The following NELL1 variants were observed in gnomAD, a reference collection of about 807,000 sequenced individuals.
The protein encoded by NELL1 is protein kinase C-binding protein NELL1.
NELL1 carries 76 observed loss-of-function variants against 107.4 expected under a neutral mutation model. That is an observed-to-expected ratio of 0.71 (90% confidence interval 0.59 to 0.86). The LOEUF (loss-of-function observed/expected upper bound fraction) is 0.86, where lower values mean the gene tolerates loss of function less well. Ranked by LOEUF, NELL1 falls within the 40% of genes least tolerant of loss-of-function variation. NELL1 has a pLI of 0.00. For synonymous variants in NELL1, 353 were observed against 341.2 expected (o/e 1.03, Z -0.38); for missense variants, 1,024 against 1,005.5 (o/e 1.02, Z -0.25).
intron 15 of NELL1, among the ~76,000 whole-genome samples, chr11:21,421,795 C>G (rs764460744): frequency 8.5e-5 from 13 of 152,094 alleles, no homozygotes; most frequent in Non-Finnish European, 1.2e-4. Context: ...ATCCACAAAG[C>G]TTAATGACCT....
At chr11:20,977,266 T>A (rs1024993650) in intron 12 of NELL1, among the ~76,000 whole-genome samples, 1 of 101,770 alleles carries the variant, frequency 9.8e-6, no homozygotes, top group South Asian at 3.1e-4. Context: ...TTAAATCTAT[T>A]TTTTTTTTTT....
intron 15 of NELL1, among the ~76,000 whole-genome samples, chr11:21,441,830 T>C (rs1047792070): frequency 6.6e-6 from 1 of 152,188 alleles, no homozygotes; most frequent in Non-Finnish European, 1.5e-5. Flanking sequence ...CCAAATTTAT[T>C]TTGACCTTGT....
At chr11:20,784,725 G>A (rs1564908142) in intron 3 of NELL1, among the ~76,000 whole-genome samples, 1 of 151,930 alleles carries the variant, frequency 6.6e-6, no homozygotes, top group Admixed American at 6.6e-5. Context: ...TTTAATACTG[G>A]GTTCCTCTGT....
intron 1 of NELL1, among the ~76,000 whole-genome samples, chr11:20,677,197 C>A (rs1371266262): frequency 6.6e-6 from 1 of 152,176 alleles, no homozygotes; most frequent in Non-Finnish European, 1.5e-5. Flanking sequence ...CCTTCCTGGC[C>A]AGTCCCTCTG....
chr11:21,140,360 T>C (rs974264338), intron 13 of NELL1, among the ~76,000 whole-genome samples: 12 of 152,230 alleles, frequency 7.9e-5, no homozygotes, highest in African/African-American at 2.9e-4. Flanking sequence ...ATTACAATCA[T>C]GTGCTGTGTG....
chr11:21,206,420 C>G (rs1857390987), intron 13 of NELL1, among the ~76,000 whole-genome samples: 1 of 152,130 alleles, frequency 6.6e-6, no homozygotes. Context: ...AGACTTTATT[C>G]ACAAATAATG....
intron 13 of NELL1, among the ~76,000 whole-genome samples, chr11:21,142,238 C>T (rs1855885068): frequency 6.6e-6 from 1 of 152,174 alleles, no homozygotes; most frequent in Non-Finnish European, 1.5e-5. Flanking sequence ...CCTTTCTGCT[C>T]CTCTCAAGAA....
chr11:21,458,220 A>T (rs1853800208), intron 15 of NELL1, among the ~76,000 whole-genome samples: 1 of 152,200 alleles, frequency 6.6e-6, no homozygotes, highest in Admixed American at 6.5e-5. Flanking sequence ...AATATTGTTA[A>T]TGACAGTGTA....
At position 21,011,335 on chromosome 11, in the gene NELL1, G is replaced by A. The variant is rs1004676189; in HGVS notation, c.1300+50775G>A. Among the ~76,000 whole-genome samples the A allele has an allele frequency of 2.1e-4, 32 of 152,158 alleles. No individual in the cohort carries two copies. In the Middle Eastern group the frequency reaches 0.014, roughly 65 times the overall value. The stretch of plus-strand genomic sequence containing the variant: ...AGCAGATATGGCTGAGATGGCATTA[G>A]GGGTGCAAAATATTTATTAGTGATC... On this transcript the variant is annotated intron_variant, in intron 12 of 19. Transcript: ENST00000357134.
chr11:20,714,194 A>ATTTTTTTTT (rs34441596), intron 2 of NELL1, among the ~76,000 whole-genome samples: 5 of 61,770 alleles, frequency 8.1e-5, no homozygotes, highest in Non-Finnish European at 1.4e-4. Flanking sequence ...TATCTCCCCG[A>ATTTTTTTTT]TTTTTTTTTT....
At chr11:21,217,244 CTACTT>C (rs1385421481) in intron 13 of NELL1, among the ~76,000 whole-genome samples, 1 of 152,258 alleles carries the variant, frequency 6.6e-6, no homozygotes, top group Non-Finnish European at 1.5e-5. Context: ...GTCAATAAAA[CTACTT>C]TACTTTATCA....
chr11:21,346,788 C>A (rs1850692658), intron 14 of NELL1, among the ~76,000 whole-genome samples: 1 of 151,828 alleles, frequency 6.6e-6, no homozygotes, highest in African/African-American at 2.4e-5. Flanking sequence ...GCCATGTTCA[C>A]TGCTAAAATG....
chr11:20,834,379 G>A (rs916610961), intron 3 of NELL1, among the ~76,000 whole-genome samples: 3 of 152,266 alleles, frequency 2.0e-5, no homozygotes, highest in South Asian at 2.1e-4. Context: ...TATGTGTTGC[G>A]AGTATTGAGT....
intron 12 of NELL1, among the ~76,000 whole-genome samples, chr11:21,096,907 G>A (rs776162781): frequency 5.9e-5 from 9 of 151,762 alleles, no homozygotes; most frequent in East Asian, 1.9e-4. Context: ...TTGTAGAGAC[G>A]GGTTTTGTTG....
At chr11:20,744,448 C>G (rs1159121123) in intron 2 of NELL1, among the ~76,000 whole-genome samples, 3 of 152,196 alleles carry the variant, frequency 2.0e-5, no homozygotes, top group Non-Finnish European at 4.4e-5. Flanking sequence ...CAGGAGCATA[C>G]ATTGGTAAGC....
chr11:21,257,239 A>G lies in NELL1; in HGVS notation c.1549+27785A>G, dbSNP rs80143551. 2.2e-4 allele frequency among the ~76,000 whole-genome samples: 33 copies of G among 152,160 alleles called. No homozygotes were observed. The East Asian group carries it at 6.2e-3, about 29-fold the overall frequency. Reference sequence around the variant, plus strand: ...GGGATACAATTTATGTGCAGTTTCAAAGTGAGATGCCACACCACTAAGTGG... The same window carrying G: ...GGGATACAATTTATGTGCAGTTTCAGAGTGAGATGCCACACCACTAAGTGG... On this transcript the variant is annotated intron_variant, in intron 14 of 19. Coordinates refer to ENST00000357134, the MANE Select transcript of NELL1 (RefSeq NM_006157.5).
At chr11:20,963,511 A>G (rs1159055001) in intron 12 of NELL1, among the ~76,000 whole-genome samples, 1 of 151,936 alleles carries the variant, frequency 6.6e-6, no homozygotes, top group Non-Finnish European at 1.5e-5. Flanking sequence ...ATTCAATAAA[A>G]TAGGGTTTTA....
intron 15 of NELL1, among the ~76,000 whole-genome samples, chr11:21,471,491 G>T (rs1854180754): frequency 6.6e-6 from 1 of 152,006 alleles, no homozygotes; most frequent in Non-Finnish European, 1.5e-5. Context: ...TTCTTTAAAT[G>T]ATAGAGACTT....
chr11:20,688,498 C>T (rs1334990169), intron 2 of NELL1, among the ~76,000 whole-genome samples: 2 of 152,078 alleles, frequency 1.3e-5, no homozygotes, highest in Non-Finnish European at 2.9e-5. Flanking sequence ...TCTGTTTCTG[C>T]ATTAATTTGC....
Sources: gnomAD v4.1 joint callset for allele counts (sites outside exome capture counted in the v4.1 genomes callset) on GRCh38, gnomAD v4.1.1 for gene constraint, MANE v1.5 for transcripts, NCBI Gene and HGNC (gene_info 2026-07-23, HGNC 2026-07-21) for gene names.